CFAP299: variants seen among roughly 807,000 people sequenced by gnomAD.
The protein encoded by CFAP299 is cilia and flagella associated protein 299.
A neutral mutation model predicts 27.0 loss-of-function variants in CFAP299; 21 were observed. That is an observed-to-expected ratio of 0.78 (90% CI 0.55 to 1.12). The LOEUF is 1.12. CFAP299 is among the 50% of genes most tolerant of loss of function. The pLI, the probability that CFAP299 is intolerant of heterozygous loss-of-function variation, is 0.00. For synonymous variants in CFAP299, 104 were observed against 98.1 expected (o/e 1.06, Z -0.36); for missense variants, 310 against 276.6 (o/e 1.12, Z -0.86).
chr4:80,901,801 A>C (rs1330179202), intron 4 of CFAP299, among the ~76,000 whole-genome samples: 1 of 152,084 alleles, frequency 6.6e-6, no homozygotes, highest in African/African-American at 2.4e-5. Flanking sequence ...GAGACTTATT[A>C]AGCCTAAAAT....
chr4:80,396,411 T>C (rs1004096270), intron 2 of CFAP299, among the ~76,000 whole-genome samples: 2 of 152,140 alleles, frequency 1.3e-5, no homozygotes. Context: ...ACTGAGATAA[T>C]ATGTGTAATG....
At chr4:80,352,458 T>C (rs1017730271) in intron 1 of CFAP299, among the ~76,000 whole-genome samples, 2 of 152,092 alleles carry the variant, frequency 1.3e-5, no homozygotes, top group African/African-American at 4.8e-5. Flanking sequence ...TCCCAGCTAC[T>C]TGGGAGACTG....
intron 3 of CFAP299, among the ~76,000 whole-genome samples, chr4:80,689,010 C>G (rs374412861): frequency 1.3e-5 from 2 of 152,044 alleles, no homozygotes; most frequent in African/African-American, 4.8e-5. Flanking sequence ...TAAAAAGAAA[C>G]GAGCAAAGCC....
At chr4:80,822,505 A>G (rs1458103186) in intron 3 of CFAP299, among the ~76,000 whole-genome samples, 1 of 152,172 alleles carries the variant, frequency 6.6e-6, no homozygotes, top group African/African-American at 2.4e-5. Flanking sequence ...CAGTATTTAA[A>G]ATATTCAGTA....
At chr4:80,549,592 T>C (rs193124548) in intron 2 of CFAP299, among the ~76,000 whole-genome samples, 1 of 152,194 alleles carries the variant, frequency 6.6e-6, no homozygotes, top group South Asian at 2.1e-4. Flanking sequence ...AATATGCTGC[T>C]GTGCATTGTG....
intron 3 of CFAP299, among the ~76,000 whole-genome samples, chr4:80,632,820 A>T (rs886474564): frequency 6.6e-6 from 1 of 152,150 alleles, no homozygotes; most frequent in Non-Finnish European, 1.5e-5. Context: ...CATCAATGAA[A>T]TTTTTTAACC....
intron 3 of CFAP299, among the ~76,000 whole-genome samples, chr4:80,707,220 G>A (rs1721872459): frequency 6.6e-6 from 1 of 151,898 alleles, no homozygotes; most frequent in African/African-American, 2.4e-5. Context: ...CAGCCTGTGG[G>A]CCAAATCTCT....
At chr4:80,384,071 T>G (rs1724847832) in intron 2 of CFAP299, among the ~76,000 whole-genome samples, 3 of 152,150 alleles carry the variant, frequency 2.0e-5, no homozygotes, top group Non-Finnish European at 2.9e-5. Context: ...TTCAAAATGT[T>G]TTACTTAGAT....
At chr4:80,811,648 C>T (rs1258614373) in intron 3 of CFAP299, among the ~76,000 whole-genome samples, 1 of 152,108 alleles carries the variant, frequency 6.6e-6, no homozygotes, top group African/African-American at 2.4e-5. Flanking sequence ...ACTACCTGGT[C>T]AGTTGTATCT....
At chr4:80,734,111 A>C (rs1030690344) in intron 3 of CFAP299, among the ~76,000 whole-genome samples, 1 of 152,112 alleles carries the variant, frequency 6.6e-6, no homozygotes, top group African/African-American at 2.4e-5. Context: ...CCTTTTCTCC[A>C]CATCCTCACC....
rs747538075 is a variant in CFAP299 at position 80,387,313 on chromosome 4, C to A, written c.242+24429C>A. The A allele has an allele frequency of 5.6e-6, 9 of 1,608,628 alleles. No individual in the cohort carries two copies. In the Admixed American group the frequency reaches 1.2e-4, roughly 21 times the overall value. On this transcript the variant is annotated intron_variant, in intron 2 of 5. Coordinates refer to ENST00000358105, the MANE Select transcript of CFAP299 (RefSeq NM_152770.3). ...CCAGAAATGTGTCGAGCTTTGGGAA[C>A]GTTTGGGCACAGCTTTTGACCACAC...
intron 3 of CFAP299, among the ~76,000 whole-genome samples, chr4:80,867,892 C>T (rs1477949424): frequency 1.3e-5 from 2 of 152,128 alleles, no homozygotes; most frequent in Non-Finnish European, 2.9e-5. Flanking sequence ...TTTATTTTTC[C>T]TAACTCTTCT....
intron 3 of CFAP299, among the ~76,000 whole-genome samples, chr4:80,847,107 A>G (rs1443110074): frequency 6.6e-6 from 1 of 152,170 alleles, no homozygotes; most frequent in East Asian, 1.9e-4. Context: ...TAGTAGTAAG[A>G]TCATAGGCTT....
At chr4:80,440,942 G>T (rs1177793796) in intron 2 of CFAP299, among the ~76,000 whole-genome samples, 2 of 152,174 alleles carry the variant, frequency 1.3e-5, no homozygotes. Context: ...AATCAATCAA[G>T]TGGAAGTAAA....
intron 2 of CFAP299, among the ~76,000 whole-genome samples, chr4:80,416,483 T>C (rs531053291): frequency 6.6e-6 from 1 of 152,276 alleles, no homozygotes; most frequent in East Asian, 1.9e-4. Context: ...TAAGTGTAAA[T>C]AGTAGGGCTA....
chr4:80,858,033 G>T (rs1318020953), intron 3 of CFAP299, among the ~76,000 whole-genome samples: 1 of 151,956 alleles, frequency 6.6e-6, no homozygotes, highest in Non-Finnish European at 1.5e-5. Flanking sequence ...AATCCATCTG[G>T]TCCTGGACTC....
At chr4:80,632,167 T>C (rs1226349798) in intron 3 of CFAP299, among the ~76,000 whole-genome samples, 1 of 152,134 alleles carries the variant, frequency 6.6e-6, no homozygotes, top group African/African-American at 2.4e-5. Context: ...AATAGCAACC[T>C]AAATGGATTA....
At position 80,782,673 on chromosome 4, in the gene CFAP299, T is replaced by C. The variant is rs575922855; in HGVS notation, c.334-87320T>C. On this transcript the variant is annotated intron_variant, in intron 3 of 5. Transcript: ENST00000358105. ...GAATATATAATATATTCATATATAA[T>C]ATACATATATGAATATATAATATAT... 4.8e-3 allele frequency among the ~76,000 whole-genome samples: 588 copies of C among 121,796 alleles called. 5 individuals are homozygous for C. The highest frequency in any genetic ancestry group is 6.9e-3 in the African/African-American group (208 of 30,026). 79.9% of individuals were successfully genotyped at this position (121,796 alleles called of 152,430 possible).
chr4:80,620,750 A>C (rs1235065851), intron 3 of CFAP299, among the ~76,000 whole-genome samples: 1 of 152,150 alleles, frequency 6.6e-6, no homozygotes, highest in African/African-American at 2.4e-5. Flanking sequence ...GAAAGTCAAC[A>C]GAACACTGGC....
Sources: gnomAD v4.1 joint callset for allele counts (sites outside exome capture counted in the v4.1 genomes callset) on GRCh38, gnomAD v4.1.1 for gene constraint, MANE v1.5 for transcripts, NCBI Gene and HGNC (gene_info 2026-07-23, HGNC 2026-07-21) for gene names.